Variants in MED27 observed in about 807,000 individuals in gnomAD.
The protein encoded by MED27 is mediator complex subunit 27.
In MED27, 30 loss-of-function variants were observed where a neutral mutation model predicts 38.2. That is an observed-to-expected ratio of 0.79 (90% confidence interval 0.59 to 1.07). The LOEUF (loss-of-function observed/expected upper bound fraction) is 1.07, where lower values mean the gene tolerates loss of function less well. MED27 is among the 50% of genes least tolerant of loss of function. The probability of loss-of-function intolerance (pLI) is 0.00; values close to 1 mark genes in which losing one functional copy is unlikely to be tolerated. For missense variants in MED27, 289 were observed against 397.5 expected (o/e 0.73, Z 2.32); for synonymous variants, 122 against 153.5 (o/e 0.79, Z 1.52).
intron 3 of MED27, among the ~76,000 whole-genome samples, chr9:131,995,930 T>C (rs1420269551): frequency 1.3e-5 from 2 of 151,802 alleles, no homozygotes; most frequent in East Asian, 3.9e-4. Flanking sequence ...GAAGCAGGAG[T>C]GTCCTCTACA....
At chr9:132,036,650 C>G (rs1313914793) in intron 2 of MED27, among the ~76,000 whole-genome samples, 2 of 152,170 alleles carry the variant, frequency 1.3e-5, no homozygotes, top group Non-Finnish European at 2.9e-5. Context: ...TTATCTCAGT[C>G]TCCTCACGTG....
chr9:131,939,011 CGA>C (rs1476205086), intron 4 of MED27, among the ~76,000 whole-genome samples: 1 of 152,090 alleles, frequency 6.6e-6, no homozygotes, highest in Admixed American at 6.5e-5. Context: ...CCGCGCCTGG[CGA>C]GAGTGTTTTC....
At chr9:131,888,133 C>G (rs528605893) in intron 5 of MED27, among the ~76,000 whole-genome samples, 2 of 152,312 alleles carry the variant, frequency 1.3e-5, no homozygotes, top group East Asian at 3.9e-4. Flanking sequence ...TGCTGACCAC[C>G]ACCACCACCT....
chr9:131,908,844 C>A (rs528375046), intron 4 of MED27, among the ~76,000 whole-genome samples: 1 of 151,468 alleles, frequency 6.6e-6, no homozygotes, highest in Non-Finnish European at 1.5e-5. Context: ...CCAAATCCCC[C>A]TCTGCGAGAA....
intron 2 of MED27, among the ~76,000 whole-genome samples, chr9:132,060,191 G>A (rs554125923): frequency 2.0e-5 from 3 of 152,294 alleles, no homozygotes; most frequent in South Asian, 4.1e-4. Context: ...ACCCCCATGC[G>A]TAGAGATTAA....
intron 2 of MED27, among the ~76,000 whole-genome samples, chr9:132,021,494 G>A (rs1832716101): frequency 6.6e-6 from 1 of 152,230 alleles, no homozygotes; most frequent in South Asian, 2.1e-4. Flanking sequence ...GCTAAGAAAA[G>A]ACAGACGAGG....
chr9:132,027,695 A>T lies in MED27; in HGVS notation c.349-13228T>A, dbSNP rs137951939. 5.1e-3 allele frequency among the ~76,000 whole-genome samples: 773 copies of T among 152,342 alleles called. 6 individuals carry two copies. The highest frequency in any genetic ancestry group is 0.017 in the African/African-American group (696 of 41,558). On this transcript the variant is annotated intron_variant, in intron 2 of 7. Coordinates refer to ENST00000292035, the MANE Select transcript of MED27 (RefSeq NM_004269.4). ...ACCTGACGTGAACTGATGTGAGTCT[A>T]TTTAAACCTTAATTTATCTCACTTA... is the stretch of plus-strand genomic sequence containing the variant.
At chr9:131,964,915 CA>C in intron 3 of MED27, among the ~76,000 whole-genome samples, 1 of 152,294 alleles carries the variant, frequency 6.6e-6, no homozygotes, top group South Asian at 2.1e-4. Context: ...ATTTTAAACT[CA>C]TTGTATTTAC....
chr9:131,968,425 G>T (rs1040844663), intron 3 of MED27, among the ~76,000 whole-genome samples: 5 of 137,528 alleles, frequency 3.6e-5, no homozygotes, highest in Admixed American at 2.4e-4. Context: ...AGTGAGCCTA[G>T]ATCACACCAC....
At chr9:131,884,160 T>A (rs1430935573) in intron 5 of MED27, 61 bp from the exon 6 acceptor site, 4 of 1,369,638 alleles carry the variant, frequency 2.9e-6, no homozygotes, top group Non-Finnish European at 4.0e-6. Context: ...CTTCAAGAAA[T>A]AATATTGTAA....
At position 131,860,771 on chromosome 9, in the gene MED27, G is replaced by A; in HGVS notation, c.802-99C>T. On this transcript the variant is annotated intron_variant, in intron 7 of 7. Transcript: ENST00000292035. This position sits in a 1 kb window ranked among gnomAD's most constrained non-coding sequence, Gnocchi z 5.8. ...CTAATGGCCCAGACAACTTAAGTTGGCTTTGGCCCCAGAAGATGCCCTGTG... is the reference window on the plus strand; with the variant it reads ...CTAATGGCCCAGACAACTTAAGTTGACTTTGGCCCCAGAAGATGCCCTGTG... 1.4e-6 allele frequency: 2 copies of A among 1,408,352 alleles called. No homozygotes were observed. Among genetic ancestry groups the A allele is most frequent in the South Asian group, 2.6e-5 (2 of 76,450 alleles). 87.2% of individuals were successfully genotyped at this position (1,408,352 alleles called of 1,614,324 possible).
At chr9:132,029,043 G>T (rs1014574222) in intron 2 of MED27, among the ~76,000 whole-genome samples, 2 of 152,198 alleles carry the variant, frequency 1.3e-5, no homozygotes, top group Non-Finnish European at 2.9e-5. Context: ...ACTAAGAGAA[G>T]GACACAGCTC....
At chr9:131,941,881 A>G (rs35154658) in intron 3 of MED27, among the ~76,000 whole-genome samples, 39,791 of 135,382 alleles carry the variant, frequency 0.29, 5,615 homozygotes, top group East Asian at 0.39. Context: ...GCTGGAGTGC[A>G]GTGGCGCAAT....
At chr9:132,054,987 A>AG (rs1833545165) in intron 2 of MED27, among the ~76,000 whole-genome samples, 1 of 151,966 alleles carries the variant, frequency 6.6e-6, no homozygotes, top group Non-Finnish European at 1.5e-5. Flanking sequence ...CTCCTCCTCA[A>AG]GCCTCTCAGA....
At chr9:131,941,405 C>T (rs1239573106) in intron 3 of MED27, among the ~76,000 whole-genome samples, 1 of 152,052 alleles carries the variant, frequency 6.6e-6, no homozygotes, top group South Asian at 2.1e-4. Flanking sequence ...TGTTAAAAAG[C>T]GAACACACAC....
chr9:131,865,146 G>A (rs1363833315), intron 6 of MED27, among the ~76,000 whole-genome samples: 6 of 152,180 alleles, frequency 3.9e-5, no homozygotes, highest in African/African-American at 7.2e-5. Context: ...ATACATCAAC[G>A]GTTCTTGTAG....
At chr9:131,981,592 A>G (rs1036067838) in intron 3 of MED27, among the ~76,000 whole-genome samples, 1 of 152,240 alleles carries the variant, frequency 6.6e-6, no homozygotes, top group African/African-American at 2.4e-5. Flanking sequence ...AGGAGCAGAA[A>G]GGGCTCATAT....
intron 3 of MED27, among the ~76,000 whole-genome samples, chr9:131,966,296 G>A (rs1399705562): frequency 5.6e-5 from 8 of 143,242 alleles, no homozygotes; most frequent in South Asian, 2.3e-4. Context: ...GGCTGGGACA[G>A]GAGGATCACT....
intron 3 of MED27, among the ~76,000 whole-genome samples, chr9:131,977,403 C>A (rs1209699810): frequency 1.3e-5 from 2 of 152,186 alleles, no homozygotes; most frequent in African/African-American, 4.8e-5. Flanking sequence ...GCCTCATTTT[C>A]CTTGTCTGTA....
Sources: gnomAD v4.1 joint callset for allele counts (sites outside exome capture counted in the v4.1 genomes callset) on GRCh38, gnomAD v4.1.1 for gene constraint, Gnocchi (gnomAD v3.1) non-coding constraint, MANE v1.5 for transcripts, NCBI Gene and HGNC (gene_info 2026-07-23, HGNC 2026-07-21) for gene names.